Variants in LRRK2 observed in about 807,000 individuals in gnomAD.
LRRK2 encodes the protein leucine-rich repeat serine/threonine-protein kinase 2.
In LRRK2, 203 loss-of-function variants were observed where a neutral mutation model predicts 302.6. That is an observed-to-expected ratio of 0.67 (90% CI 0.60 to 0.75). The LOEUF (loss-of-function observed/expected upper bound fraction) is 0.75, where lower values mean the gene tolerates loss of function less well. Among genes scored for constraint, LRRK2 ranks in the 30% least tolerant of loss-of-function variants. The pLI is 0.00. For missense variants in LRRK2, 2,830 were observed against 2,951.0 expected, an observed-to-expected ratio of 0.96 and a Z score of 0.95; for synonymous variants, 1,066 against 1,031.9, an observed-to-expected ratio of 1.03 and a Z score of -0.63.
intron 7 of LRRK2, among the ~76,000 whole-genome samples, chr12:40,249,046 G>T (rs922913459): frequency 1.3e-5 from 2 of 152,090 alleles, no homozygotes; most frequent in African/African-American, 4.8e-5. Context: ...TATGATACAG[G>T]ATATTTTCCA....
intron 47 of LRRK2, among the ~76,000 whole-genome samples, chr12:40,359,687 C>A (rs530076988): frequency 6.6e-6 from 1 of 152,148 alleles, no homozygotes; most frequent in African/African-American, 2.4e-5. Flanking sequence ...TCATTGTAAT[C>A]TTAGTAGTAT....
chr12:40,252,273 G>A (rs529354811), intron 10 of LRRK2, among the ~76,000 whole-genome samples: 2 of 152,248 alleles, frequency 1.3e-5, no homozygotes, highest in South Asian at 4.1e-4. Flanking sequence ...AATCTTGACC[G>A]TCTATTTGTT....
At position 40,314,186 on chromosome 12, in the gene LRRK2, C is replaced by T. The variant is rs80002288; in HGVS notation, c.4738+13C>T. On this transcript the variant is annotated intron_variant, in intron 32 of 50. Coordinates refer to ENST00000298910, the MANE Select transcript of LRRK2 (RefSeq NM_198578.4). ...CTAAATGAATCAGGTTTGTGTTTTT[C>T]GTTCCTTATTTTCAAAGCTCAGCTG... The T allele has an allele frequency of 3.7e-6, 6 of 1,610,400 alleles. No individual in the cohort carries two copies. In the East Asian group the frequency reaches 6.7e-5, roughly 18 times the overall value.
chr12:40,308,056 A>G (rs945485836), intron 28 of LRRK2, among the ~76,000 whole-genome samples: 3 of 152,016 alleles, frequency 2.0e-5, no homozygotes, highest in African/African-American at 7.2e-5. Flanking sequence ...CAGGGATTAC[A>G]GGTGCGAGCC....
In LRRK2 at chr12:40,359,445, G is replaced by C; in HGVS notation, c.7028+1G>C. On this transcript the variant is annotated splice_donor_variant, in intron 47 of 50. Coordinates refer to ENST00000298910, the MANE Select transcript of LRRK2 (RefSeq NM_198578.4). LOFTEE classifies it high-confidence loss of function. ...TCATTGAGACAAGAACAAGCCAACT[G>C]TAAGTTATTTTTTATCTGTACAAGT... is the stretch of plus-strand genomic sequence containing the variant. 1 of 1,611,964 alleles carries C rather than the reference G, an allele frequency of 6.2e-7. No individual in the cohort carries two copies.
At chr12:40,250,940 G>A (rs1271243869) in intron 8 of LRRK2, among the ~76,000 whole-genome samples, 1 of 150,010 alleles carries the variant, frequency 6.7e-6, no homozygotes, top group Non-Finnish European at 1.5e-5. Flanking sequence ...CCATGTCTTT[G>A]CTCTTGTGAA....
At chr12:40,272,521 A>T (rs924208209) in intron 14 of LRRK2, among the ~76,000 whole-genome samples, 1 of 152,166 alleles carries the variant, frequency 6.6e-6, no homozygotes, top group Non-Finnish European at 1.5e-5. Context: ...AATGTCTGGC[A>T]CTGAGTGAGT....
chr12:40,364,503 C>G (rs1367685077), intron 48 of LRRK2, among the ~76,000 whole-genome samples: 1 of 147,118 alleles, frequency 6.8e-6, no homozygotes, highest in East Asian at 2.0e-4. Flanking sequence ...TCATGTAAAA[C>G]TTTTGACTCT....
chr12:40,361,540 A>T (rs530320969), intron 47 of LRRK2, among the ~76,000 whole-genome samples: 1 of 152,168 alleles, frequency 6.6e-6, no homozygotes, highest in East Asian at 1.9e-4. Context: ...TACAAGCCTG[A>T]AAACCTTTAA....
chr12:40,269,146 T>G (rs1943136067), intron 14 of LRRK2, among the ~76,000 whole-genome samples: 1 of 152,180 alleles, frequency 6.6e-6, no homozygotes, highest in African/African-American at 2.4e-5. Context: ...TGATCAGCAA[T>G]TTCATTCTAA....
At chr12:40,270,515 A>G (rs746940436) in intron 14 of LRRK2, among the ~76,000 whole-genome samples, 5 of 152,090 alleles carry the variant, frequency 3.3e-5, no homozygotes, top group Non-Finnish European at 7.4e-5. Context: ...CTCCTAAAAA[A>G]AGTTTTGTTG....
Position 40,283,940 on chromosome 12 carries a change from A to G in LRRK2, c.2307A>G (p.Gln769=). 1 of 1,613,884 alleles carries G rather than the reference A, an allele frequency of 6.2e-7. No homozygotes were observed. The highest frequency in any genetic ancestry group is 8.5e-7 in the Non-Finnish European group (1 of 1,179,848). The change falls in exon 19 of 51, where the codon CAA becomes CAG. Residue 769 remains glutamine, a synonymous_variant. Coordinates refer to ENST00000298910, the MANE Select transcript of LRRK2 (RefSeq NM_198578.4). The part of the protein sequence containing the change: ...ELLLNSGSRE[Q]DVRKALTISI... ...TACTGAATAGTGGATCTCGTGAACA[A>G]GATGTACGAAAAGCGTTGACGATAA...
In LRRK2 at chr12:40,251,158, G is replaced by A. The variant is rs568776805; in HGVS notation, c.959-74G>A. On this transcript the variant is annotated intron_variant, in intron 8 of 50. Transcript: ENST00000298910. ...TTCTGTTGGTAATATTTCAAAATAT[G>A]GACTTAGAGTTGGTCAAACTGTTAA... 1.4e-5 allele frequency: 14 copies of A among 992,598 alleles called. No individual in the cohort carries two copies. The East Asian group carries it at 3.7e-4, about 27-fold the overall frequency. The allele number at this position is 992,598 out of a possible 1,614,324, so 61.5% of individuals were successfully genotyped here.
Position 40,362,486 on chromosome 12 carries a change from C to T in LRRK2, c.7029-916C>T, listed in dbSNP as rs561504304. Among the ~76,000 whole-genome samples, 4 of 151,942 alleles carry T rather than the reference C, an allele frequency of 2.6e-5. No individual in the cohort carries two copies. The East Asian group carries it at 5.8e-4, about 22-fold the overall frequency. On this transcript the variant is annotated intron_variant, in intron 47 of 50. Coordinates refer to ENST00000298910, the MANE Select transcript of LRRK2 (RefSeq NM_198578.4). ...CTTATCTGTGCAACTGTTTACTGGACGAGGGGTATGTAGAAAATACATTGT... is the reference window on the plus strand; with the variant it reads ...CTTATCTGTGCAACTGTTTACTGGATGAGGGGTATGTAGAAAATACATTGT...
In LRRK2 at chr12:40,235,721, T is replaced by C; in HGVS notation, c.436+7T>C. ...GATCTCCTCCTAACTTCAGGTAATA[T>C]GTGTATATGTTTTTTGTGTTGATTC... On this transcript the variant is annotated splice_region_variant and intron_variant, in intron 4 of 50. Transcript: ENST00000298910. 2.0e-6 allele frequency: 3 copies of C among 1,523,822 alleles called. No individual in the cohort carries two copies. The highest frequency in any genetic ancestry group is 2.7e-6 in the Non-Finnish European group (3 of 1,098,082). 94.4% of individuals were successfully genotyped at this position (1,523,822 alleles called of 1,614,324 possible).
intron 24 of LRRK2, 112 bp downstream of exon 24, chr12:40,298,605 C>T (rs1299514624): frequency 2.9e-6 from 4 of 1,388,206 alleles, no homozygotes; most frequent in Non-Finnish European, 4.0e-6. Flanking sequence ...AACTCCATCT[C>T]TACTAAAAAT....
intron 21 of LRRK2, among the ~76,000 whole-genome samples, chr12:40,294,408 A>T (rs1264452982): frequency 6.6e-6 from 1 of 152,022 alleles, no homozygotes; most frequent in Admixed American, 6.6e-5. Context: ...ATTATAGCTG[A>T]GTACTAAAAA....
At chr12:40,245,588 ACT>A (rs1941945082) in intron 7 of LRRK2, among the ~76,000 whole-genome samples, 1 of 152,092 alleles carries the variant, frequency 6.6e-6, no homozygotes, top group Non-Finnish European at 1.5e-5. Flanking sequence ...CTTGGAAAAC[ACT>A]GTTGAGATTT....
chr12:40,310,666 G>C lies in LRRK2; in HGVS notation c.4536+17G>C, dbSNP rs1025047210. The stretch of plus-strand genomic sequence containing the variant: ...AATTTCAAGGTAACATGGTAGGCTG[G>C]TAGAGAAATGTAATTTATTGATTCT... On this transcript the variant is annotated intron_variant, in intron 31 of 50. Transcript: ENST00000298910. The C allele has an allele frequency of 1.3e-5, 21 of 1,608,484 alleles. No individual in the cohort carries two copies. Among genetic ancestry groups the C allele is most frequent in the Non-Finnish European group, 1.7e-5 (20 of 1,175,458 alleles).
Sources: gnomAD v4.1 joint callset for allele counts (sites outside exome capture counted in the v4.1 genomes callset) on GRCh38, gnomAD v4.1.1 for gene constraint, MANE v1.5 for transcripts, NCBI Gene and HGNC (gene_info 2026-07-23, HGNC 2026-07-21) for gene names.